Variants in CEPT1 observed in about 807,000 individuals in gnomAD.
CEPT1 encodes the protein choline/ethanolaminephosphotransferase 1.
Under a neutral mutation model 42.6 loss-of-function variants are expected in CEPT1, and 7 were observed. That is an observed-to-expected ratio of 0.16 (90% CI 0.09 to 0.31). CEPT1 has a LOEUF of 0.31. Among genes scored for constraint, CEPT1 ranks in the 10% least tolerant of loss-of-function variants. CEPT1 has a pLI of 1.00. For synonymous variants in CEPT1, 171 were observed against 171.9 expected, an observed-to-expected ratio of 0.99 and a Z score of 0.04; for missense variants, 306 against 502.1, an observed-to-expected ratio of 0.61 and a Z score of 3.73.
chr1:111,146,666 C>T (rs140055567), intron 1 of CEPT1, among the ~76,000 whole-genome samples: 1 of 152,120 alleles, frequency 6.6e-6, no homozygotes, highest in South Asian at 2.1e-4. Context: ...CTTGAAAATA[C>T]TCTTGTATTT....
chr1:111,155,371 T>A (rs1333452532), intron 2 of CEPT1, among the ~76,000 whole-genome samples: 1 of 152,074 alleles, frequency 6.6e-6, no homozygotes, highest in East Asian at 1.9e-4. Context: ...TTCTGTCTTT[T>A]TTTCTTGGTT....
At chr1:111,158,768 C>G (rs1183685875) in intron 2 of CEPT1, among the ~76,000 whole-genome samples, 1 of 152,058 alleles carries the variant, frequency 6.6e-6, no homozygotes, top group Admixed American at 6.6e-5. Context: ...CAATAATTGA[C>G]CCTTCTAATC....
chr1:111,182,447 T>A, intron 6 of CEPT1, 129 bp downstream of exon 6: 3 of 1,081,668 alleles, frequency 2.8e-6, no homozygotes, highest in Non-Finnish European at 4.0e-6. Context: ...TTAAAGAAAC[T>A]AATGTTCAAA....
At chr1:111,149,211 A>G (rs1292949009) in intron 2 of CEPT1, among the ~76,000 whole-genome samples, 2 of 150,696 alleles carry the variant, frequency 1.3e-5, no homozygotes, top group East Asian at 3.9e-4. Flanking sequence ...TTCCTCTTCT[A>G]CTATTGCAAA....
chr1:111,177,127 A>C (rs769784032), intron 5 of CEPT1, among the ~76,000 whole-genome samples: 14 of 152,230 alleles, frequency 9.2e-5, no homozygotes, highest in Admixed American at 3.3e-4. Context: ...AACAAAATTG[A>C]AAAGCAGTAA....
At chr1:111,167,387 A>T (rs1571142980) in intron 4 of CEPT1, 11 of 931,938 alleles carry the variant, frequency 1.2e-5, no homozygotes, top group Non-Finnish European at 1.4e-5. Context: ...TAAAATTTTT[A>T]AAAAGTGGTA....
intron 4 of CEPT1, 41 bp downstream of exon 4, chr1:111,161,337 A>C (rs753868920): frequency 6.5e-7 from 1 of 1,539,720 alleles, no homozygotes; most frequent in South Asian, 1.2e-5. Context: ...TCTCTTTCAC[A>C]TATGGAGAAT....
rs369858951 is a variant in CEPT1 at position 111,183,459 on chromosome 1, T to C, written c.1006-3T>C. 113 of 1,613,248 alleles carry C rather than the reference T, an allele frequency of 7.0e-5. No individual in the cohort carries two copies. The highest frequency in any genetic ancestry group is 8.8e-5 in the Non-Finnish European group (104 of 1,179,380). ...TGCCTACGTTATTCTGTTTTATTCATAGGTTGCACACATGACGAAAAGTGA... is the reference window on the plus strand; with the variant it reads ...TGCCTACGTTATTCTGTTTTATTCACAGGTTGCACACATGACGAAAAGTGA... On this transcript the variant is annotated splice_polypyrimidine_tract_variant and splice_region_variant and intron_variant, in intron 7 of 8. Transcript: ENST00000357172.
rs111577187 is a variant in CEPT1, at chr1:111,161,803, C to T, written c.629+507C>T. Among the ~76,000 whole-genome samples, 1,496 of 152,278 alleles carry T rather than the reference C, an allele frequency of 9.8e-3. 10 individuals are homozygous for T. The highest frequency in any genetic ancestry group is 0.024 in the Middle Eastern group (7 of 294). Reference sequence around the variant, plus strand: ...TCACTTTCAATACCTATTTTGAAAGCTTATTTATCTGTCAGCCCTAATGTA... The same window carrying T: ...TCACTTTCAATACCTATTTTGAAAGTTTATTTATCTGTCAGCCCTAATGTA... On this transcript the variant is annotated intron_variant, in intron 4 of 8. Coordinates refer to ENST00000357172, the MANE Select transcript of CEPT1 (RefSeq NM_006090.5).
At chr1:111,148,841 A>G (rs138573862) in intron 2 of CEPT1, among the ~76,000 whole-genome samples, 2 of 152,364 alleles carry the variant, frequency 1.3e-5, no homozygotes, top group Non-Finnish European at 2.9e-5. Flanking sequence ...GAGAATTACA[A>G]GCATTTGTTC....
At chr1:111,152,260 G>GAAAATT (rs1244159237) in intron 2 of CEPT1, among the ~76,000 whole-genome samples, 1 of 151,796 alleles carries the variant, frequency 6.6e-6, no homozygotes, top group Non-Finnish European at 1.5e-5. Context: ...AAAGTGAAAA[G>GAAAATT]AAAATTAAAA....
At chr1:111,159,551 A>T in intron 3 of CEPT1, 24 bp downstream of exon 3, 2 of 1,589,644 alleles carry the variant, frequency 1.3e-6, no homozygotes, top group East Asian at 2.3e-5. Flanking sequence ...TTTTAATGTT[A>T]TTGATTATTA....
intron 4 of CEPT1, among the ~76,000 whole-genome samples, chr1:111,174,378 A>G (rs1409899162): frequency 6.6e-6 from 1 of 152,042 alleles, no homozygotes; most frequent in Non-Finnish European, 1.5e-5. Context: ...TTTCACACCT[A>G]TACAATGGCA....
intron 4 of CEPT1, chr1:111,167,109 C>T (rs928556678): frequency 1.0e-5 from 10 of 984,938 alleles, no homozygotes; most frequent in East Asian, 1.1e-4. Context: ...TGCATAGATT[C>T]GATGTTACAG....
intron 4 of CEPT1, among the ~76,000 whole-genome samples, chr1:111,173,721 G>A (rs13374588): frequency 0.03 from 4,546 of 152,136 alleles, 228 homozygotes; most frequent in African/African-American, 0.1. Context: ...TTTGTAATGT[G>A]TCTTTCCAGA....
intron 7 of CEPT1, 35 bp downstream of exon 7, chr1:111,182,992 A>C (rs1657065551): frequency 6.3e-7 from 1 of 1,588,526 alleles, no homozygotes. Flanking sequence ...TGTGTTTTTC[A>C]CTTTCATCTT....
At chr1:111,142,911 A>ACAATAG in intron 1 of CEPT1, among the ~76,000 whole-genome samples, 1 of 152,366 alleles carries the variant, frequency 6.6e-6, no homozygotes, top group Non-Finnish European at 1.5e-5. Flanking sequence ...TGAAAAGGCT[A>ACAATAG]CAATAGCTAT....
intron 3 of CEPT1, 169 bp from the exon 4 acceptor site, chr1:111,160,986 T>G: frequency 9.2e-6 from 6 of 649,278 alleles, no homozygotes; most frequent in East Asian, 2.9e-5. Context: ...ATTGAAATTA[T>G]GGGGTAAGAG....
chr1:111,166,255 A>G (rs1289427946), intron 4 of CEPT1, among the ~76,000 whole-genome samples: 3 of 152,212 alleles, frequency 2.0e-5, no homozygotes, highest in African/African-American at 7.2e-5. Context: ...ATGGACATCT[A>G]TCTATCTCAT....
Sources: allele counts gnomAD v4.1 joint callset (sites outside exome capture counted in the v4.1 genomes callset), GRCh38; gene constraint gnomAD v4.1.1; transcripts MANE v1.5; gene names NCBI Gene and HGNC (gene_info 2026-07-23, HGNC 2026-07-21).